ABCA4: variants seen among roughly 807,000 people sequenced by gnomAD.
ABCA4 encodes ATP binding cassette subfamily A member 4.
A neutral mutation model predicts 263.7 loss-of-function variants in ABCA4; 196 were observed. The ratio of observed to expected loss-of-function variants is 0.74; its 90% CI spans 0.66 to 0.84. ABCA4 has a LOEUF of 0.84. Ranked by LOEUF, ABCA4 falls within the 40% of genes least tolerant of loss-of-function variation. The pLI, the probability that ABCA4 is intolerant of heterozygous loss-of-function variation, is 0.00. For missense variants in ABCA4, 2,792 were observed against 2,855.1 expected (o/e 0.98, Z 0.50); for synonymous variants, 1,133 against 1,094.2 (o/e 1.04, Z -0.70).
intron 38 of ABCA4, among the ~76,000 whole-genome samples, 158 bp downstream of exon 38, chr1:94,014,385 G>C (rs1433418602): frequency 6.7e-6 from 1 of 149,360 alleles, no homozygotes; most frequent in African/African-American, 2.5e-5. Flanking sequence ...GAGGAAGGAA[G>C]GAAGGAAAGG....
At position 94,103,141 on chromosome 1, in the gene ABCA4, T is replaced by C. The variant is rs1254155735; in HGVS notation, c.444A>G (p.Gly148=). Residue 148 remains glycine (G), a splice_region_variant and synonymous_variant, in exon 5 of 50, where the codon GGA becomes GGG. Transcript: ENST00000370225. ...TLRTHPERIA[G]RGIRIRDILK... ...AGATATCCCTTATTCGTATTCCTCT[T>C]CCTACATATGAATAAGAGAAAGAAC... is the stretch of plus-strand genomic sequence containing the variant. 1 of 1,613,850 alleles carries C rather than the reference T, an allele frequency of 6.2e-7. No homozygotes were observed. The highest frequency in any genetic ancestry group is 8.5e-7 in the Non-Finnish European group (1 of 1,179,938).
intron 40 of ABCA4, among the ~76,000 whole-genome samples, chr1:94,010,428 T>C (rs1158372143): frequency 6.6e-6 from 1 of 152,230 alleles, no homozygotes; most frequent in Non-Finnish European, 1.5e-5. Flanking sequence ...AGGGGCCTGC[T>C]GTGTCCTTTC....
At chr1:94,094,189 A>G (rs1662054949) in intron 6 of ABCA4, among the ~76,000 whole-genome samples, 1 of 152,200 alleles carries the variant, frequency 6.6e-6, no homozygotes, top group African/African-American at 2.4e-5. Flanking sequence ...GTTGAAATGC[A>G]TAGGTGAAGT....
rs1004237594 is a variant in ABCA4 at position 94,014,580 on chromosome 1, G to A, written c.5423C>T (p.Ala1808Val). Residue 1808 changes from alanine (A) to valine (V), a missense_variant, in exon 38 of 50, where the codon GCT becomes GTT. Ala to Val is a moderately conservative substitution (Grantham distance 64). Transcript: ENST00000370225. The part of the protein sequence containing the change: ...ANLFIGINSS[A>V]ITFILELFEN... The stretch of plus-strand genomic sequence containing the variant: ...AAATAATTCCAAGATGAAGGTAATA[G>A]CACTGCTGTTGATGCCGATGAACAG... 3 of 1,614,220 alleles carry A rather than the reference G, an allele frequency of 1.9e-6. No individual in the cohort carries two copies. The Admixed American group carries it at 5.0e-5, about 27-fold the overall frequency.
chr1:94,114,993 T>A (rs559941103), intron 1 of ABCA4, among the ~76,000 whole-genome samples: 1 of 152,326 alleles, frequency 6.6e-6, no homozygotes, highest in South Asian at 2.1e-4. Context: ...TCAAGACTGG[T>A]CTAGGAGGCT....
At chr1:94,068,166 G>T (rs534378583) in intron 11 of ABCA4, among the ~76,000 whole-genome samples, 2 of 152,260 alleles carry the variant, frequency 1.3e-5, no homozygotes, top group African/African-American at 4.8e-5. Flanking sequence ...CCATGTCCCA[G>T]GTGGGCAGTA....
intron 30 of ABCA4, 102 bp downstream of exon 30, chr1:94,029,343 G>T: frequency 8.4e-7 from 1 of 1,190,370 alleles, no homozygotes; most frequent in Non-Finnish European, 1.1e-6. Flanking sequence ...TCAACTGCCA[G>T]TTTGAAATGT....
At chr1:94,078,136 G>A (rs1661589096) in intron 10 of ABCA4, among the ~76,000 whole-genome samples, 3 of 152,214 alleles carry the variant, frequency 2.0e-5, no homozygotes, top group Admixed American at 2.0e-4. Flanking sequence ...ATTGAATATG[G>A]TGTATAAAAA....
At chr1:94,007,965 G>A (rs1229052835) in intron 42 of ABCA4, among the ~76,000 whole-genome samples, 1 of 152,038 alleles carries the variant, frequency 6.6e-6, no homozygotes, top group Non-Finnish European at 1.5e-5. Context: ...ACGAGAAATT[G>A]TCAAATATTT....
At chr1:94,104,964 C>T (rs755523218) in intron 4 of ABCA4, among the ~76,000 whole-genome samples, 4 of 152,008 alleles carry the variant, frequency 2.6e-5, no homozygotes, top group African/African-American at 9.7e-5. Flanking sequence ...CACACACACA[C>T]GCATGCACAC....
chr1:94,073,216 T>C (rs1297587077), intron 11 of ABCA4, among the ~76,000 whole-genome samples: 1 of 152,138 alleles, frequency 6.6e-6, no homozygotes, highest in African/African-American at 2.4e-5. Context: ...TCCTCACACA[T>C]TTCCTCCCCG....
At chr1:94,012,535 T>A (rs931952841) in intron 38 of ABCA4, among the ~76,000 whole-genome samples, 3 of 152,192 alleles carry the variant, frequency 2.0e-5, no homozygotes, top group Middle Eastern at 6.3e-3. Flanking sequence ...GTCCTAATTA[T>A]TTTTTTGTCC....
intron 4 of ABCA4, among the ~76,000 whole-genome samples, chr1:94,105,465 G>T (rs769719128): frequency 2.0e-5 from 3 of 152,146 alleles, no homozygotes; most frequent in Non-Finnish European, 4.4e-5. Flanking sequence ...TGAGGAGGGC[G>T]GGGGCCCAGG....
intron 19 of ABCA4, chr1:94,046,091 C>T: frequency 2.7e-6 from 1 of 371,794 alleles, no homozygotes; most frequent in Non-Finnish European, 5.3e-6. Flanking sequence ...CACTAACCCT[C>T]ATCAGCTGAT....
intron 16 of ABCA4, among the ~76,000 whole-genome samples, chr1:94,052,173 C>T (rs1031429919): frequency 6.6e-6 from 1 of 152,154 alleles, no homozygotes; most frequent in Non-Finnish European, 1.5e-5. Flanking sequence ...TGAGATTCAG[C>T]CATCTGCCCC....
intron 4 of ABCA4, among the ~76,000 whole-genome samples, chr1:94,106,765 AG>A (rs1662448386): frequency 1.3e-5 from 2 of 152,170 alleles, no homozygotes; most frequent in African/African-American, 4.8e-5. Context: ...ATGGGGAGAG[AG>A]GGCTTCAGAA....
At position 94,079,347 on chromosome 1, in the gene ABCA4, G is replaced by C. The variant is rs749008843; in HGVS notation, c.1214C>G (p.Pro405Arg). Residue 405 changes from proline (P) to arginine (R), a missense_variant, in exon 9 of 50, where the codon CCT (proline) becomes CGT (arginine). Physicochemically the swap from Pro to Arg is moderately radical, Grantham distance 103. Transcript: ENST00000370225. ...MGKILYTPDS[P>R]AARRILKNAN... is the part of the protein sequence containing the mutation. ...ATTCTTCAGTATCCTTCGTGCTGCA[G>C]GTGAATCAGGAGTGTACAGGATTTT... 10 of 1,614,068 alleles carry C rather than the reference G, an allele frequency of 6.2e-6. No homozygotes were observed. Among genetic ancestry groups the C allele is most frequent in the Non-Finnish European group, 8.5e-6 (10 of 1,180,042 alleles).
intron 3 of ABCA4, 150 bp from the exon 4 acceptor site, chr1:94,108,866 G>A (rs991685917): frequency 2.6e-5 from 26 of 1,000,128 alleles, no homozygotes; most frequent in South Asian, 1.0e-4. Flanking sequence ...TCTGCCCCCC[G>A]GGTTCACGCT....
At chr1:94,072,315 C>T (rs1661420798) in intron 11 of ABCA4, among the ~76,000 whole-genome samples, 1 of 152,230 alleles carries the variant, frequency 6.6e-6, no homozygotes. Flanking sequence ...GGTTAAAGTA[C>T]AATTTTATGC....
Sources: allele counts gnomAD v4.1 joint callset (sites outside exome capture counted in the v4.1 genomes callset), GRCh38; gene constraint gnomAD v4.1.1; transcripts MANE v1.5; gene names NCBI Gene and HGNC (gene_info 2026-07-23, HGNC 2026-07-21).